Variants in TRIM33 observed in about 807,000 individuals in gnomAD.
The protein encoded by TRIM33 is tripartite motif containing 33, also known as E3 ubiquitin-protein ligase TRIM33.
In TRIM33, 20 loss-of-function variants were observed where a neutral mutation model predicts 125.4. The ratio of observed to expected loss-of-function variants is 0.16; its 90% CI spans 0.11 to 0.23. The LOEUF (loss-of-function observed/expected upper bound fraction) is 0.23, where lower values mean the gene tolerates loss of function less well. Among genes scored for constraint, TRIM33 ranks in the 10% least tolerant of loss-of-function variants. TRIM33 has a pLI of 1.00. For missense variants in TRIM33, 920 were observed against 1,411.4 expected, an observed-to-expected ratio of 0.65 and a Z score of 5.58; for synonymous variants, 564 against 513.9, an observed-to-expected ratio of 1.10 and a Z score of -1.32.
At chr1:114,426,412 T>A (rs1647583440) in intron 8 of TRIM33, among the ~76,000 whole-genome samples, 1 of 152,176 alleles carries the variant, frequency 6.6e-6, no homozygotes, top group African/African-American at 2.4e-5. Context: ...AAACCATTCT[T>A]AGCTACTACG....
chr1:114,427,317 T>C (rs368041965), intron 7 of TRIM33, 23 bp from the exon 8 acceptor site: 6 of 1,229,896 alleles, frequency 4.9e-6, no homozygotes, highest in Non-Finnish European at 7.0e-6. Flanking sequence ...AAAATCCACA[T>C]TAGTCTCAAA....
In TRIM33 at chr1:114,465,613, C is replaced by CA. The variant is rs201790894; in HGVS notation, c.527-1226dup. 4.1e-4 allele frequency among the ~76,000 whole-genome samples: 63 copies of CA among 151,904 alleles called. 1 individual carries two copies. The East Asian group carries it at 0.011, about 27-fold the overall frequency. On this transcript the variant is annotated intron_variant, in intron 1 of 19. Transcript: ENST00000358465. ...CCCAGGAGTTTGAGGCCAGCCTGGA[C>CA]AACATAGTGAGACGCCATCTCTAAT...
chr1:114,397,700 T>C lies in TRIM33; in HGVS notation c.3332A>G (p.Gln1111Arg). 1 of 1,611,798 alleles carries C rather than the reference T, an allele frequency of 6.2e-7. No individual in the cohort carries two copies. Among genetic ancestry groups the C allele is most frequent in the Non-Finnish European group, 8.5e-7 (1 of 1,179,182 alleles). ...TGACTTTAGGCGTTTTCTGCGGGGCTGTATAAAGTCTTCATCAGAGTCCTC... is the reference window on the plus strand; with the variant it reads ...TGACTTTAGGCGTTTTCTGCGGGGCCGTATAAAGTCTTCATCAGAGTCCTC... ...VTEDSDEDFI[Q>R]PRRKRLKSDE... The change falls in exon 20 of 20, where the codon CAG (glutamine) becomes CGG (arginine). Residue 1111 changes from glutamine to arginine, a missense_variant. Coordinates refer to ENST00000358465, the MANE Select transcript of TRIM33 (RefSeq NM_015906.4).
At chr1:114,506,383 CAAA>C (rs370539194) in intron 1 of TRIM33, among the ~76,000 whole-genome samples, 84 of 89,858 alleles carry the variant, frequency 9.3e-4, no homozygotes, top group African/African-American at 2.4e-3. Context: ...AAAACTGTCT[CAAA>C]AAAAAAAAAA....
At chr1:114,447,038 T>C (rs146642127) in intron 4 of TRIM33, among the ~76,000 whole-genome samples, 2 of 152,148 alleles carry the variant, frequency 1.3e-5, no homozygotes, top group East Asian at 1.9e-4. Context: ...ATAGGCAGAG[T>C]AGTAGCAGAT....
chr1:114,477,355 A>C (rs369591118), intron 1 of TRIM33, among the ~76,000 whole-genome samples: 6 of 152,222 alleles, frequency 3.9e-5, no homozygotes, highest in African/African-American at 1.4e-4. Context: ...AGGAAAAAAA[A>C]AAAACAAAAA....
intron 4 of TRIM33, among the ~76,000 whole-genome samples, chr1:114,435,877 CTTTTTTTTTTTTT>C (rs34327766): frequency 4.1e-5 from 3 of 73,326 alleles, no homozygotes; most frequent in Non-Finnish European, 7.6e-5. Context: ...TAGACACCCG[CTTTTTTTTTTTTT>C]TTTTTTTTTT....
chr1:114,454,540 G>A (rs115912510), intron 4 of TRIM33, among the ~76,000 whole-genome samples: 3,999 of 149,182 alleles, frequency 0.027, 90 homozygotes, highest in Non-Finnish European at 0.035. Context: ...TAAAAAATTA[G>A]CCAGATGTGG....
At chr1:114,407,178 G>C (rs1652299570) in intron 13 of TRIM33, 78 bp from the exon 14 acceptor site, 1 of 1,225,206 alleles carries the variant, frequency 8.2e-7, no homozygotes, top group African/African-American at 1.5e-5. Context: ...GAAAAGTAAT[G>C]TTCACTAAAG....
At chr1:114,402,701 GTA>G in intron 16 of TRIM33, 57 bp downstream of exon 16, 3 of 1,558,094 alleles carry the variant, frequency 1.9e-6, no homozygotes, top group Non-Finnish European at 2.6e-6. Context: ...AAAAAAAGGT[GTA>G]TATATAGGCA....
At chr1:114,503,021 T>C (rs996709220) in intron 1 of TRIM33, among the ~76,000 whole-genome samples, 1 of 152,194 alleles carries the variant, frequency 6.6e-6, no homozygotes, top group Non-Finnish European at 1.5e-5. Context: ...CAGCTAAGTA[T>C]CTAAGAAAAG....
chr1:114,510,958 G>C lies in TRIM33; in HGVS notation c.119C>G (p.Ala40Gly), dbSNP rs966255039. 16 of 1,385,936 alleles carry C rather than the reference G, an allele frequency of 1.2e-5. No individual in the cohort carries two copies. The highest frequency in any genetic ancestry group is 1.5e-5 in the Non-Finnish European group (16 of 1,070,406). The allele number at this position is 1,385,936 out of a possible 1,614,324, so 85.9% of individuals were successfully genotyped here. A position where few individuals can be genotyped will look rare whatever the true frequency, so the allele number is the denominator to read the frequency against. Residue 40 changes from alanine (A) to glycine (G), a missense_variant, in exon 1 of 20, where the codon GCG becomes GGG. Transcript: ENST00000358465. ...CTCCTCCTCCTCCTCCACCAGCACC[G>C]CGGTGAGAGGCGGCTCCGCCTCCTG... ...AAQEAEPPLT[A>G]VLVEEEEEEG... is the part of the protein sequence containing the mutation.
rs34493715 is a variant in TRIM33 at position 114,454,673 on chromosome 1, TA to T, written c.923+8430del. On this transcript the variant is annotated intron_variant, in intron 4 of 19. Coordinates refer to ENST00000358465, the MANE Select transcript of TRIM33 (RefSeq NM_015906.4). ...CCTGGGCAATAGCACAAGACTCCTC[TA>T]AAAAAAAAAAAAAAAAGTTAATGAA... is the stretch of plus-strand genomic sequence containing the variant. 5.3e-3 allele frequency among the ~76,000 whole-genome samples: 694 copies of T among 132,020 alleles called. 2 individuals carry two copies. The highest frequency in any genetic ancestry group is 6.5e-3 in the Non-Finnish European group (397 of 61,234). 86.6% of individuals were successfully genotyped at this position (132,020 alleles called of 152,430 possible).
chr1:114,434,388 T>C (rs1480884838), intron 4 of TRIM33, among the ~76,000 whole-genome samples: 1 of 152,246 alleles, frequency 6.6e-6, no homozygotes, highest in Admixed American at 6.5e-5. Context: ...CTTGTCTTTA[T>C]AATTACACTT....
intron 4 of TRIM33, among the ~76,000 whole-genome samples, chr1:114,458,422 C>A (rs1649750539): frequency 6.6e-6 from 1 of 152,244 alleles, no homozygotes; most frequent in Non-Finnish European, 1.5e-5. Context: ...CTGCTACCAC[C>A]CAGGCTGGTG....
intron 13 of TRIM33, 152 bp downstream of exon 13, chr1:114,408,525 G>A (rs1221886960): frequency 3.9e-6 from 2 of 514,504 alleles, no homozygotes; most frequent in Non-Finnish European, 7.0e-6. Context: ...GGAATTGGCA[G>A]AAGTATAGAA....
intron 4 of TRIM33, among the ~76,000 whole-genome samples, chr1:114,439,553 A>G (rs1648527294): frequency 6.7e-6 from 1 of 150,168 alleles, no homozygotes; most frequent in South Asian, 2.1e-4. Context: ...AAAAACAGTG[A>G]GCAGTGAAAA....
intron 1 of TRIM33, among the ~76,000 whole-genome samples, chr1:114,476,888 C>T (rs1017241779): frequency 7.9e-5 from 12 of 152,006 alleles, no homozygotes; most frequent in African/African-American, 2.9e-4. Context: ...GAGAGTAATG[C>T]TTAAAGAATA....
In TRIM33 at chr1:114,458,715, C is replaced by T. The variant is rs566125329; in HGVS notation, c.923+4389G>A. ...ATTAAACTCTTTCTCTGCTACACCT[C>T]CTGCTGTCTCAGTGTATTGACTTTT... On this transcript the variant is annotated intron_variant, in intron 4 of 19. Transcript: ENST00000358465. Among the ~76,000 whole-genome samples the T allele has an allele frequency of 3.9e-5, 6 of 152,318 alleles. No homozygotes were observed. In the South Asian group the frequency reaches 1.2e-3, roughly 32 times the overall value.
Sources: gnomAD v4.1 joint callset for allele counts (sites outside exome capture counted in the v4.1 genomes callset) on GRCh38, gnomAD v4.1.1 for gene constraint, MANE v1.5 for transcripts, NCBI Gene and HGNC (gene_info 2026-07-23, HGNC 2026-07-21) for gene names.